The following ARHGAP35 variants were observed in gnomAD, a reference collection of about 807,000 sequenced individuals.
The protein encoded by ARHGAP35 is rho GTPase-activating protein 35.
A neutral mutation model predicts 111.1 loss-of-function variants in ARHGAP35; 15 were observed. The observed-to-expected ratio is 0.13, with a 90% CI of 0.09 to 0.21. The LOEUF (loss-of-function observed/expected upper bound fraction) is 0.21, where lower values mean the gene tolerates loss of function less well. Among genes scored for constraint, ARHGAP35 ranks in the 10% least tolerant of loss-of-function variants. ARHGAP35 has a pLI of 1.00. For missense variants in ARHGAP35, 1,262 were observed against 1,873.0 expected (o/e 0.67, Z 6.02); for synonymous variants, 643 against 710.3 (o/e 0.91, Z 1.51).
chr19:46,932,335 G>A (rs1258723574), intron 2 of ARHGAP35, among the ~76,000 whole-genome samples: 2 of 152,174 alleles, frequency 1.3e-5, no homozygotes, highest in Non-Finnish European at 2.9e-5. Context: ...TGTTCTCAGG[G>A]ATTGAATTCC....
chr19:46,971,461 C>G (rs2056548684), intron 3 of ARHGAP35, among the ~76,000 whole-genome samples: 1 of 151,782 alleles, frequency 6.6e-6, no homozygotes. Flanking sequence ...TGTAATGACT[C>G]CCTTGGTTTT....
chr19:46,869,970 A>C (rs2055879176), intron 1 of ARHGAP35, among the ~76,000 whole-genome samples: 2 of 139,352 alleles, frequency 1.4e-5, no homozygotes, highest in African/African-American at 5.5e-5. Flanking sequence ...TTTTTGAAAC[A>C]GAGTCTTGCT....
intron 3 of ARHGAP35, among the ~76,000 whole-genome samples, chr19:46,959,807 A>G (rs1418817739): frequency 6.6e-6 from 1 of 152,076 alleles, no homozygotes; most frequent in East Asian, 1.9e-4. Flanking sequence ...AGGTAACTCG[A>G]AGCCAGGTGC....
chr19:46,899,240 G>A (rs2056072204), intron 1 of ARHGAP35, among the ~76,000 whole-genome samples: 1 of 152,178 alleles, frequency 6.6e-6, no homozygotes, highest in African/African-American at 2.4e-5. Context: ...CCAGATAAGG[G>A]GATAGCCAGA....
At chr19:46,913,246 T>A (rs896868754) in intron 1 of ARHGAP35, among the ~76,000 whole-genome samples, 15 of 149,468 alleles carry the variant, frequency 1.0e-4, no homozygotes, top group Non-Finnish European at 1.8e-4. Context: ...GAGAGAGGGA[T>A]GAGGTTGCTG....
At chr19:46,888,305 TATATATATATATAA>T (rs1568461114) in intron 1 of ARHGAP35, among the ~76,000 whole-genome samples, 3 of 64,408 alleles carry the variant, frequency 4.7e-5, no homozygotes, top group African/African-American at 1.2e-4. Context: ...TATATATATA[TATATATATATATAA>T]AATATTGATT....
At chr19:46,861,591 C>T (rs2055828024) in intron 1 of ARHGAP35, among the ~76,000 whole-genome samples, 1 of 151,886 alleles carries the variant, frequency 6.6e-6, no homozygotes, top group Admixed American at 6.6e-5. Flanking sequence ...TCGCTCCTCC[C>T]GGGCTCTGCA....
In ARHGAP35 at chr19:46,922,505, C is replaced by G; in HGVS notation, c.3681+149C>G. On this transcript the variant is annotated intron_variant, in intron 2 of 6. Coordinates refer to ENST00000672722, the MANE Select transcript of ARHGAP35 (RefSeq NM_004491.5). The surrounding 1 kb of genome is among the most constrained non-coding windows in gnomAD (Gnocchi z 4.0). ...GACTTAACATAAAAAAGCAGTGCCTCAATTAGCTACCATTATTGGCAGCTC... is the reference window on the plus strand; with the variant it reads ...GACTTAACATAAAAAAGCAGTGCCTGAATTAGCTACCATTATTGGCAGCTC... 1 of 727,738 alleles carries G rather than the reference C, an allele frequency of 1.4e-6. No individual in the cohort carries two copies. The highest frequency in any genetic ancestry group is 2.1e-6 in the Non-Finnish European group (1 of 468,976). The allele number at this position is 727,738 out of a possible 1,614,324, so 45.1% of individuals were successfully genotyped here.
chr19:46,902,704 T>C (rs2056087990), intron 1 of ARHGAP35, among the ~76,000 whole-genome samples: 1 of 152,138 alleles, frequency 6.6e-6, no homozygotes. Context: ...TCATGAGGCT[T>C]GACAAGCCAT....
chr19:46,863,634 G>A (rs147803528), intron 1 of ARHGAP35, among the ~76,000 whole-genome samples: 1 of 151,946 alleles, frequency 6.6e-6, no homozygotes, highest in South Asian at 2.1e-4. Context: ...GCAACCCTAG[G>A]AGTGTCCTTC....
In ARHGAP35 at chr19:46,986,767, C is replaced by G. The variant is rs1248182037; in HGVS notation, c.3827-1222C>G. Reference sequence around the variant, plus strand: ...TTCACAAAGTAAGAAATACCTATTTCCAGTAATCTGTTAAGCTTTTACTAG... The same window carrying G: ...TTCACAAAGTAAGAAATACCTATTTGCAGTAATCTGTTAAGCTTTTACTAG... On this transcript the variant is annotated intron_variant, in intron 3 of 6. Transcript: ENST00000672722. The surrounding 1 kb of genome is among the most constrained non-coding windows in gnomAD (Gnocchi z 4.3). Among the ~76,000 whole-genome samples the G allele has an allele frequency of 6.6e-6, 1 of 152,184 alleles. No individual in the cohort carries two copies. Among genetic ancestry groups the G allele is most frequent in the Non-Finnish European group, 1.5e-5 (1 of 68,042 alleles).
chr19:46,905,563 C>CCA (rs2056103097), intron 1 of ARHGAP35, among the ~76,000 whole-genome samples: 1 of 137,754 alleles, frequency 7.3e-6, no homozygotes, highest in African/African-American at 2.6e-5. Context: ...CCACCCCCCC[C>CCA]CCCCAAGACA....
chr19:46,876,247 A>G (rs867670502), intron 1 of ARHGAP35, among the ~76,000 whole-genome samples: 1 of 149,950 alleles, frequency 6.7e-6, no homozygotes, highest in South Asian at 2.1e-4. Flanking sequence ...CCCACGTTCC[A>G]TGGAGTACAG....
chr19:46,939,372 CATTTATTTATTTATTTATTT>C (rs60855006), intron 3 of ARHGAP35, among the ~76,000 whole-genome samples: 58 of 145,390 alleles, frequency 4.0e-4, no homozygotes, highest in African/African-American at 1.1e-3. Flanking sequence ...TGCACCTTTA[CATTTATTTATTTATTTATTT>C]ATTTATTTAT....
chr19:46,905,693 G>A (rs2056104079), intron 1 of ARHGAP35, among the ~76,000 whole-genome samples: 1 of 152,150 alleles, frequency 6.6e-6, no homozygotes, highest in Non-Finnish European at 1.5e-5. Context: ...GGGACTACAG[G>A]CACATGCCAC....
Position 46,922,106 on chromosome 19 carries a change from A to C in ARHGAP35, c.3431A>C (p.Glu1144Ala). ...AGTGAAATGGACACCAGCTCTCTAG[A>C]GCGAGGGCGCAAGGTTTCCATCGTG... ...SDSEMDTSSL[E>A]RGRKVSIVSK... Residue 1144 changes from glutamate to alanine, a missense_variant, in exon 2 of 7, where the codon GAG (glutamate) becomes GCG (alanine). Around this residue, in one of 8 missense-constraint regions of ARHGAP35, gnomAD observed 579 missense variants for 716.9 expected, o/e 0.81. Transcript: ENST00000672722. The surrounding 1 kb of genome is among the most constrained non-coding windows in gnomAD (Gnocchi z 4.0). 1 of 1,614,022 alleles carries C rather than the reference A, an allele frequency of 6.2e-7. No individual in the cohort carries two copies. The highest frequency in any genetic ancestry group is 2.2e-5 in the East Asian group (1 of 44,882).
chr19:46,946,142 G>T (rs142703892), intron 3 of ARHGAP35, among the ~76,000 whole-genome samples: 6 of 152,258 alleles, frequency 3.9e-5, no homozygotes, highest in African/African-American at 1.4e-4. Context: ...GTCAAGGAAG[G>T]CCTGGCAGGT....
chr19:46,865,657 A>G (rs2055851664), intron 1 of ARHGAP35, among the ~76,000 whole-genome samples: 1 of 152,148 alleles, frequency 6.6e-6, no homozygotes, highest in African/African-American at 2.4e-5. Flanking sequence ...CGTCAGGTCA[A>G]TATAGTTGGA....
rs140120964 is a variant in ARHGAP35, at chr19:46,972,581, G to A, written c.3827-15408G>A. Among the ~76,000 whole-genome samples, 1,146 of 152,328 alleles carry A rather than the reference G, an allele frequency of 7.5e-3. 7 individuals are homozygous for A. Among genetic ancestry groups the A allele is most frequent in the Middle Eastern group, 0.031 (9 of 294 alleles). ...CAGCATGACAGATGTGGCCCTGAGC[G>A]AGTTCCTTCACTCCTGAGTCTCCCT... On this transcript the variant is annotated intron_variant, in intron 3 of 6. Transcript: ENST00000672722.
Sources: gnomAD v4.1 joint callset for allele counts (sites outside exome capture counted in the v4.1 genomes callset) on GRCh38, gnomAD v4.1.1 for gene constraint, gnomAD v4.1.1 regional missense constraint, Gnocchi (gnomAD v3.1) non-coding constraint, MANE v1.5 for transcripts, NCBI Gene and HGNC (gene_info 2026-07-23, HGNC 2026-07-21) for gene names.